Variants in ATP2B2 observed in about 807,000 individuals in gnomAD.
ATP2B2 encodes ATPase plasma membrane Ca2+ transporting 2, also known as plasma membrane calcium-transporting ATPase 2.
ATP2B2 carries 15 observed loss-of-function variants against 120.0 expected under a neutral mutation model. The ratio of observed to expected loss-of-function variants is 0.12; its 90% CI spans 0.08 to 0.19. The LOEUF is 0.19. Among genes scored for constraint, ATP2B2 ranks in the 10% least tolerant of loss-of-function variants. The pLI is 1.00. For missense variants in ATP2B2, 1,045 were observed against 1,719.8 expected (o/e 0.61, Z 6.94); for synonymous variants, 694 against 700.3 (o/e 0.99, Z 0.14).
intron 2 of ATP2B2, among the ~76,000 whole-genome samples, chr3:10,601,843 G>A (rs747676398): frequency 3.9e-5 from 6 of 152,214 alleles, no homozygotes; most frequent in Non-Finnish European, 7.3e-5. Context: ...GCCCCACTAG[G>A]AGCCATCCCC....
intron 2 of ATP2B2, among the ~76,000 whole-genome samples, chr3:10,616,261 G>A (rs529241078): frequency 6.0e-4 from 91 of 152,296 alleles, no homozygotes; most frequent in African/African-American, 2.0e-3. Flanking sequence ...AAATGAAGTC[G>A]TTAGGGTGGG....
chr3:10,373,996 A>G (rs2061314670), intron 11 of ATP2B2, among the ~76,000 whole-genome samples: 1 of 152,164 alleles, frequency 6.6e-6, no homozygotes, highest in South Asian at 2.1e-4. Flanking sequence ...AGGCTCAGAG[A>G]GGGCACAGTC....
intron 2 of ATP2B2, among the ~76,000 whole-genome samples, chr3:10,556,703 CA>C (rs1375296559): frequency 6.6e-6 from 1 of 152,210 alleles, no homozygotes; most frequent in African/African-American, 2.4e-5. Flanking sequence ...AGAACAGATG[CA>C]GAACTGAAAT....
chr3:10,608,703 T>C lies in ATP2B2; in HGVS notation c.-415+11214A>G, dbSNP rs573334682. On this transcript the variant is annotated intron_variant, in intron 2 of 21. Transcript: ENST00000646379. ...GACCTGGTTGAAATGGCCCTTCATC[T>C]GTAAAATCTTCTCCAGCACCCTGAG... Among the ~76,000 whole-genome samples, 3 of 152,336 alleles carry C rather than the reference T, an allele frequency of 2.0e-5. No homozygotes were observed. The East Asian group carries it at 5.8e-4, about 29-fold the overall frequency.
At chr3:10,466,311 C>G in intron 1 of ATP2B2, among the ~76,000 whole-genome samples, 1 of 152,194 alleles carries the variant, frequency 6.6e-6, no homozygotes, top group East Asian at 1.9e-4. Flanking sequence ...TTCATGTCTA[C>G]GTGTGCATGC....
chr3:10,700,392 G>C (rs1160772886), intron 1 of ATP2B2, among the ~76,000 whole-genome samples: 3 of 152,142 alleles, frequency 2.0e-5, no homozygotes, highest in Non-Finnish European at 4.4e-5. Flanking sequence ...TCCCATTCTA[G>C]GCAGAGCATG....
chr3:10,506,003 C>T (rs2066614283), upstream of ATP2B2, among the ~76,000 whole-genome samples: 1 of 151,870 alleles, frequency 6.6e-6, no homozygotes, highest in South Asian at 2.1e-4. Context: ...AGAACGGGAG[C>T]AGAGAGGGGA....
At position 10,579,667 on chromosome 3, in the gene ATP2B2, A is replaced by G. The variant is rs140066083; in HGVS notation, c.-415+40250T>C. Among the ~76,000 whole-genome samples, 594 of 152,260 alleles carry G rather than the reference A, an allele frequency of 3.9e-3. 5 individuals are homozygous for G. The highest frequency in any genetic ancestry group is 0.012 in the African/African-American group (508 of 41,562). ...CTACTAAAAAATACAAAAATTAGCC[A>G]GGCATGGTAGTGAATGCCTGTAATC... On this transcript the variant is annotated intron_variant, in intron 2 of 21. Coordinates refer to the ATP2B2 transcript ENST00000646379.
Position 10,488,265 on chromosome 3 carries a change from C to G in ATP2B2, c.-320+17200G>C, listed in dbSNP as rs867400566. Among the ~76,000 whole-genome samples the G allele has an allele frequency of 6.9e-4, 101 of 146,124 alleles. 1 individual carries two copies. The Middle Eastern group carries it at 0.022, about 31-fold the overall frequency. On this transcript the variant is annotated intron_variant, in intron 1 of 22. Transcript: ENST00000360273. ...TCCATCCATCCATCCATCCATCCAT[C>G]CATCCATCCATGCATGCATCCATCC...
At chr3:10,384,842 C>T (rs73131247) in intron 8 of ATP2B2, among the ~76,000 whole-genome samples, 1,724 of 152,328 alleles carry the variant, frequency 0.011, 38 homozygotes, top group African/African-American at 0.039. Context: ...ATTTTAGAGT[C>T]GAGGACTAGA....
chr3:10,548,768 T>C (rs1042312876), intron 2 of ATP2B2, among the ~76,000 whole-genome samples: 1 of 152,192 alleles, frequency 6.6e-6, no homozygotes, highest in African/African-American at 2.4e-5. Context: ...GAACCCAGTC[T>C]AAGGGAGGAA....
intron 14 of ATP2B2, among the ~76,000 whole-genome samples, chr3:10,352,444 G>A (rs761787473): frequency 2.0e-5 from 3 of 152,240 alleles, no homozygotes; most frequent in Non-Finnish European, 4.4e-5. Context: ...GCTCTAGAGG[G>A]GCAGGGTCCC....
intron 1 of ATP2B2, among the ~76,000 whole-genome samples, chr3:10,639,633 A>G (rs1486180104): frequency 6.6e-6 from 1 of 152,150 alleles, no homozygotes; most frequent in African/African-American, 2.4e-5. Flanking sequence ...AAACATTCAG[A>G]CCCTAGCAGA....
chr3:10,407,431 G>C (rs1038753298), intron 3 of ATP2B2, among the ~76,000 whole-genome samples: 3 of 152,126 alleles, frequency 2.0e-5, no homozygotes, highest in African/African-American at 7.2e-5. Flanking sequence ...CCTCTGGCCT[G>C]CGCTCCCTCC....
At chr3:10,441,188 T>C (rs888055639) in intron 2 of ATP2B2, among the ~76,000 whole-genome samples, 12 of 152,302 alleles carry the variant, frequency 7.9e-5, no homozygotes, top group Admixed American at 1.3e-4. Context: ...AGGCCTTGGC[T>C]TCCTGCCCTT....
Position 10,449,691 on chromosome 3 carries a change from G to A in ATP2B2, c.-148C>T. On this transcript the variant is annotated 5_prime_UTR_variant, in exon 2 of 23. Transcript: ENST00000360273. Reference sequence around the variant, plus strand: ...CCGACTCCGGGTCCCGGGGGGTGGGGGTGGCCGAGGCGGGCTGGTGACAGT... The same window carrying A: ...CCGACTCCGGGTCCCGGGGGGTGGGAGTGGCCGAGGCGGGCTGGTGACAGT... The A allele has an allele frequency of 1.1e-6, 1 of 929,634 alleles. No homozygotes were observed. The allele number at this position is 929,634 out of a possible 1,614,324, so 57.6% of individuals were successfully genotyped here. A position where few individuals can be genotyped will look rare whatever the true frequency, so the allele number is the denominator to read the frequency against.
intron 5 of ATP2B2, among the ~76,000 whole-genome samples, chr3:10,397,653 A>G (rs2062083756): frequency 6.6e-6 from 1 of 152,178 alleles, no homozygotes; most frequent in Admixed American, 6.5e-5. Flanking sequence ...GCAGAGGCAG[A>G]TTGAAGGGAG....
At chr3:10,585,231 C>A (rs2068478714) in intron 2 of ATP2B2, among the ~76,000 whole-genome samples, 1 of 152,108 alleles carries the variant, frequency 6.6e-6, no homozygotes, top group South Asian at 2.1e-4. Context: ...GGCAGGGTGG[C>A]TCACACCTAT....
chr3:10,578,503 C>T (rs1252632153), intron 2 of ATP2B2, among the ~76,000 whole-genome samples: 3 of 150,978 alleles, frequency 2.0e-5, no homozygotes, highest in East Asian at 1.9e-4. Flanking sequence ...GCCGAGATCT[C>T]GCCACTGCAC....
Sources: gnomAD v4.1 joint callset for allele counts (sites outside exome capture counted in the v4.1 genomes callset) on GRCh38, gnomAD v4.1.1 for gene constraint, MANE v1.5 for transcripts, NCBI Gene and HGNC (gene_info 2026-07-23, HGNC 2026-07-21) for gene names.